Variants in OXSR1 observed in about 807,000 individuals in gnomAD.
OXSR1 encodes the protein oxidative stress responsive kinase 1, also known as serine/threonine-protein kinase OSR1.
OXSR1 carries 24 observed loss-of-function variants against 79.8 expected under a neutral mutation model. The ratio of observed to expected loss-of-function variants is 0.30; its 90% CI spans 0.22 to 0.42. The LOEUF (loss-of-function observed/expected upper bound fraction) is 0.42. OXSR1 is among the 10% of genes least tolerant of loss of function. The pLI is 1.00. For missense variants in OXSR1, 430 were observed against 618.4 expected (o/e 0.70, Z 3.23); for synonymous variants, 226 against 209.2 (o/e 1.08, Z -0.69).
chr3:38,220,273 GGAATTTTA>G (rs1702563259), intron 5 of OXSR1, among the ~76,000 whole-genome samples: 2 of 152,056 alleles, frequency 1.3e-5, no homozygotes, highest in South Asian at 4.1e-4. Context: ...TTCTGAATCT[GGAATTTTA>G]AAGTTTGCCA....
chr3:38,234,260 C>T (rs1049798178), intron 10 of OXSR1, among the ~76,000 whole-genome samples: 8 of 152,052 alleles, frequency 5.3e-5, no homozygotes, highest in Admixed American at 3.9e-4. Context: ...TTGATTTTAT[C>T]AAAAATTAAG....
chr3:38,236,812 T>C, intron 10 of OXSR1, 27 bp from the exon 11 acceptor site: 1 of 1,576,912 alleles, frequency 6.3e-7, no homozygotes, highest in Admixed American at 1.8e-5. Flanking sequence ...AATACCACCA[T>C]AACCCACTTC....
At chr3:38,198,324 A>G (rs1421985870) in intron 3 of OXSR1, among the ~76,000 whole-genome samples, 1 of 152,036 alleles carries the variant, frequency 6.6e-6, no homozygotes, top group Non-Finnish European at 1.5e-5. Context: ...TGGCATTTCA[A>G]TTGTATTTTT....
At chr3:38,245,962 C>A in intron 12 of OXSR1, 113 bp from the exon 13 acceptor site, 1 of 886,944 alleles carries the variant, frequency 1.1e-6, no homozygotes, top group Non-Finnish European at 1.9e-6. Context: ...AAAACCTGTA[C>A]ACTACCCAAA....
intron 1 of OXSR1, among the ~76,000 whole-genome samples, chr3:38,175,220 T>G (rs776375643): frequency 1.1e-4 from 17 of 152,358 alleles, no homozygotes; most frequent in South Asian, 4.1e-4. Context: ...GGGCACAATT[T>G]AGGAGAAAAT....
chr3:38,181,420 A>ATC (rs1395873844), intron 1 of OXSR1, among the ~76,000 whole-genome samples: 3 of 149,452 alleles, frequency 2.0e-5, no homozygotes, highest in African/African-American at 7.4e-5. Flanking sequence ...CAAGGGTGCA[A>ATC]TCTCAGCTCA....
chr3:38,180,375 AT>A (rs1701759642), intron 1 of OXSR1, among the ~76,000 whole-genome samples: 3 of 152,006 alleles, frequency 2.0e-5, no homozygotes, highest in African/African-American at 7.2e-5. Flanking sequence ...GCTTCAATGG[AT>A]TTTTATAATC....
At chr3:38,218,564 T>C (rs1702529552) in intron 5 of OXSR1, among the ~76,000 whole-genome samples, 1 of 151,918 alleles carries the variant, frequency 6.6e-6, no homozygotes, top group South Asian at 2.1e-4. Context: ...TCTTTACATA[T>C]TTTGGATGCC....
intron 7 of OXSR1, 84 bp downstream of exon 7, chr3:38,223,997 T>A: frequency 7.9e-6 from 6 of 759,130 alleles, no homozygotes; most frequent in Non-Finnish European, 1.3e-5. Context: ...ATTTTTTTTT[T>A]ATTGTGGTAA....
chr3:38,244,593 A>G (rs1224333355), intron 12 of OXSR1, among the ~76,000 whole-genome samples: 3 of 150,770 alleles, frequency 2.0e-5, no homozygotes, highest in Non-Finnish European at 2.9e-5. Flanking sequence ...GTGTTGTAGC[A>G]TATGTCAGAA....
chr3:38,241,491 A>G (rs568777911), intron 11 of OXSR1, among the ~76,000 whole-genome samples: 5 of 152,288 alleles, frequency 3.3e-5, no homozygotes, highest in Admixed American at 6.5e-5. Flanking sequence ...AATGAGAACT[A>G]TAGTGTGAAG....
At chr3:38,193,186 G>A (rs1259268489) in intron 3 of OXSR1, 3 of 887,156 alleles carry the variant, frequency 3.4e-6, no homozygotes, top group Non-Finnish European at 4.8e-6. Flanking sequence ...CATTTAATAG[G>A]TGCACAAGAA....
At chr3:38,179,230 A>G (rs1273074439) in intron 1 of OXSR1, among the ~76,000 whole-genome samples, 1 of 151,992 alleles carries the variant, frequency 6.6e-6, no homozygotes, top group Non-Finnish European at 1.5e-5. Flanking sequence ...GAGTCCCACT[A>G]TATTGCCCAG....
chr3:38,205,507 T>C (rs1274822355), intron 4 of OXSR1, among the ~76,000 whole-genome samples: 2 of 152,210 alleles, frequency 1.3e-5, no homozygotes, highest in Non-Finnish European at 2.9e-5. Flanking sequence ...AGTGTGTGAA[T>C]AGCAGGGGCC....
At chr3:38,182,639 A>T (rs1418223113) in intron 1 of OXSR1, among the ~76,000 whole-genome samples, 1 of 152,182 alleles carries the variant, frequency 6.6e-6, no homozygotes, top group Non-Finnish European at 1.5e-5. Context: ...TGAGATCCCT[A>T]ACTAGTCTAC....
chr3:38,180,133 A>G (rs1415403332), intron 1 of OXSR1, among the ~76,000 whole-genome samples: 1 of 152,086 alleles, frequency 6.6e-6, no homozygotes, highest in Non-Finnish European at 1.5e-5. Flanking sequence ...TAGTAGAGGC[A>G]GGGTTTCTCC....
At chr3:38,169,191 G>C (rs79724028) in intron 1 of OXSR1, among the ~76,000 whole-genome samples, 1 of 152,098 alleles carries the variant, frequency 6.6e-6, no homozygotes, top group Non-Finnish European at 1.5e-5. Context: ...AATGACTAAT[G>C]ATGATGAACA....
At chr3:38,204,729 A>G (rs1182292117) in intron 4 of OXSR1, among the ~76,000 whole-genome samples, 3 of 151,252 alleles carry the variant, frequency 2.0e-5, no homozygotes, top group Non-Finnish European at 1.5e-5. Context: ...CCTCTCTTCA[A>G]GCAGAAGAAA....
chr3:38,209,633 C>CTT (rs36124151), intron 4 of OXSR1, among the ~76,000 whole-genome samples: 51 of 132,222 alleles, frequency 3.9e-4, no homozygotes, highest in Admixed American at 5.3e-4. Flanking sequence ...ATCAATTATA[C>CTT]TTTTTTTTTT....
Sources: gnomAD v4.1 joint callset for allele counts (sites outside exome capture counted in the v4.1 genomes callset) on GRCh38, gnomAD v4.1.1 for gene constraint, MANE v1.5 for transcripts, NCBI Gene and HGNC (gene_info 2026-07-23, HGNC 2026-07-21) for gene names.